LRP5: variants seen among roughly 807,000 people sequenced by gnomAD.
The protein encoded by LRP5 is low-density lipoprotein receptor-related protein 5.
In LRP5, 62 loss-of-function variants were observed where a neutral mutation model predicts 154.1. That is an observed-to-expected ratio of 0.40 (90% CI 0.33 to 0.50). The LOEUF is 0.50. LRP5 is among the 20% of genes least tolerant of loss of function. The pLI is 0.55. For missense variants in LRP5, 1,915 were observed against 2,336.7 expected (o/e 0.82, Z 3.72); for synonymous variants, 966 against 1,011.5 (o/e 0.96, Z 0.85).
In LRP5 at chr11:68,402,816, T is replaced by C. The variant is rs144481474; in HGVS notation, c.1585-667T>C. Among the ~76,000 whole-genome samples the C allele has an allele frequency of 8.2e-3, 1,254 of 152,278 alleles. 19 individuals carry two copies. Among genetic ancestry groups the C allele is most frequent in the African/African-American group, 0.028 (1,175 of 41,556 alleles). On this transcript the variant is annotated intron_variant, in intron 7 of 22. Transcript: ENST00000294304. ...GCCGCTGCCTGTCAGCCTGCAGTGG[T>C]TCGGGAGAGGACACCTGCTTGCCTG...
intron 6 of LRP5, among the ~76,000 whole-genome samples, chr11:68,387,982 C>A (rs552021137): frequency 6.6e-6 from 1 of 152,128 alleles, no homozygotes; most frequent in African/African-American, 2.4e-5. Context: ...GTGTGCTGGC[C>A]GGGGAGCTTT....
At chr11:68,427,799 C>T (rs1402256461) in intron 16 of LRP5, among the ~76,000 whole-genome samples, 1 of 152,088 alleles carries the variant, frequency 6.6e-6, no homozygotes, top group Non-Finnish European at 1.5e-5. Flanking sequence ...GGGCAGGGAA[C>T]AGAGCGTCTT....
chr11:68,377,138 G>C lies in LRP5; in HGVS notation c.1016-9178G>C, dbSNP rs374222081. Among the ~76,000 whole-genome samples the C allele has an allele frequency of 1.3e-3, 192 of 152,292 alleles. 1 individual carries two copies. The highest frequency in any genetic ancestry group is 4.3e-3 in the African/African-American group (177 of 41,562). ...CCTGGGGAGTGGCCATGCAGCCATG[G>C]GCCTGAGGTTGTGGTGGGGCATGGG... On this transcript the variant is annotated intron_variant, in intron 5 of 22. Coordinates refer to ENST00000294304, the MANE Select transcript of LRP5 (RefSeq NM_002335.4).
chr11:68,397,326 G>A (rs2098650008), intron 7 of LRP5, among the ~76,000 whole-genome samples: 1 of 152,156 alleles, frequency 6.6e-6, no homozygotes, highest in Non-Finnish European at 1.5e-5. Flanking sequence ...AAAGTGGCAG[G>A]GTCTGGCATC....
chr11:68,423,351 A>G lies in LRP5; in HGVS notation c.3028-138A>G. On this transcript the variant is annotated intron_variant, in intron 13 of 22. Transcript: ENST00000294304. This position sits in a 1 kb window ranked among gnomAD's most constrained non-coding sequence, Gnocchi z 4.7. ...CTCTGCTGTCCTGCCAGAGCTCTCC[A>G]GCCAGTGCCCAGGGCTCTCCAGCCA... 1 of 799,998 alleles carries G rather than the reference A, an allele frequency of 1.3e-6. No individual in the cohort carries two copies. Among genetic ancestry groups the G allele is most frequent in the Non-Finnish European group, 2.2e-6 (1 of 452,400 alleles). 49.6% of individuals were successfully genotyped at this position (799,998 alleles called of 1,614,324 possible). A position where few individuals can be genotyped will look rare whatever the true frequency, so the allele number is the denominator to read the frequency against.
intron 4 of LRP5, among the ~76,000 whole-genome samples, chr11:68,364,752 G>C (rs1482559299): frequency 2.0e-5 from 3 of 152,124 alleles, no homozygotes; most frequent in Non-Finnish European, 4.4e-5. Context: ...TGGGGCCTAG[G>C]GGTGCCAGCT....
At chr11:68,377,675 C>T (rs564496230) in intron 5 of LRP5, among the ~76,000 whole-genome samples, 13 of 152,296 alleles carry the variant, frequency 8.5e-5, no homozygotes, top group Middle Eastern at 3.4e-3. Context: ...TTGGGATCTG[C>T]GCAGTGGACA....
chr11:68,299,081 A>C, the LRP5 span, among the ~76,000 whole-genome samples: 2 of 151,120 alleles, frequency 1.3e-5, no homozygotes, highest in Non-Finnish European at 3.0e-5. Context: ...CCCCCTCCAC[A>C]CTCCACCAAC....
intron 1 of LRP5, among the ~76,000 whole-genome samples, chr11:68,339,142 G>A (rs1353843179): frequency 1.3e-5 from 2 of 151,690 alleles, no homozygotes; most frequent in East Asian, 3.9e-4. Context: ...CCAAAGTGTT[G>A]GCATTACAGG....
intron 19 of LRP5, among the ~76,000 whole-genome samples, 183 bp downstream of exon 19, chr11:68,437,182 CTG>C (rs1274841347): frequency 1.3e-5 from 2 of 152,218 alleles, no homozygotes; most frequent in African/African-American, 4.8e-5. Flanking sequence ...GGAGGACAGA[CTG>C]TGAGCTGTGG....
chr11:68,311,969 G>A (rs1420761214), upstream of LRP5, among the ~76,000 whole-genome samples: 6 of 152,230 alleles, frequency 3.9e-5, no homozygotes, highest in South Asian at 2.1e-4. Flanking sequence ...AGGCCCTGGC[G>A]GGCTTGTTGA....
chr11:68,399,553 C>T lies in LRP5; in HGVS notation c.1585-3930C>T, dbSNP rs926239116. 9.2e-5 allele frequency among the ~76,000 whole-genome samples: 14 copies of T among 152,198 alleles called. No homozygotes were observed. In the South Asian group the frequency reaches 1.7e-3, roughly 18 times the overall value. On this transcript the variant is annotated intron_variant, in intron 7 of 22. Coordinates refer to ENST00000294304, the MANE Select transcript of LRP5 (RefSeq NM_002335.4). ...AAAATTCATCTCCCAAGTTCTCTTC[C>T]GGCACTGGCGTTCCTGGGTGTCCTA... is the stretch of plus-strand genomic sequence containing the variant.
At position 68,389,751 on chromosome 11, in the gene LRP5, A is replaced by T. The variant is rs551830906; in HGVS notation, c.1413-130A>T. ...ACGAGCACCGACATTTACTGACACCAATATTTACTGACATCAACATTTAGC... is the reference window on the plus strand; with the variant it reads ...ACGAGCACCGACATTTACTGACACCTATATTTACTGACATCAACATTTAGC... On this transcript the variant is annotated intron_variant, in intron 6 of 22. Coordinates refer to ENST00000294304, the MANE Select transcript of LRP5 (RefSeq NM_002335.4). 33 of 883,650 alleles carry T rather than the reference A, an allele frequency of 3.7e-5. No homozygotes were observed. In the Admixed American group the frequency reaches 4.7e-4, roughly 13 times the overall value. 54.7% of individuals were successfully genotyped at this position (883,650 alleles called of 1,614,324 possible). A position where few individuals can be genotyped will look rare whatever the true frequency, so the allele number is the denominator to read the frequency against.
intron 18 of LRP5, among the ~76,000 whole-genome samples, chr11:68,435,756 C>T (rs976077322): frequency 9.9e-5 from 15 of 152,218 alleles, no homozygotes; most frequent in Admixed American, 1.3e-4. Context: ...GACAGAATCT[C>T]GCTCTGTTGC....
intron 16 of LRP5, among the ~76,000 whole-genome samples, chr11:68,426,631 C>T (rs971687184): frequency 6.6e-6 from 1 of 152,060 alleles, no homozygotes; most frequent in African/African-American, 2.4e-5. Context: ...CCATGTTGCC[C>T]AGGCTGGTCT....
At chr11:68,438,229 G>C (rs1184810314) in intron 19 of LRP5, among the ~76,000 whole-genome samples, 1 of 152,182 alleles carries the variant, frequency 6.6e-6, no homozygotes, top group African/African-American at 2.4e-5. Flanking sequence ...AGCGGCGGGG[G>C]TCAGAGGAGG....
intron 7 of LRP5, among the ~76,000 whole-genome samples, chr11:68,390,610 G>A (rs1428611971): frequency 1.8e-4 from 28 of 152,112 alleles, no homozygotes; most frequent in African/African-American, 6.5e-4. Context: ...TGCTGTGGTC[G>A]GGTTTCAGTG....
chr11:68,381,345 G>A (rs1260101014), intron 5 of LRP5, among the ~76,000 whole-genome samples: 4 of 152,202 alleles, frequency 2.6e-5, no homozygotes, highest in African/African-American at 9.7e-5. Flanking sequence ...CCCTCTGCAG[G>A]TTCTGCGTGT....
chr11:68,316,072 C>T (rs772302354), intron 1 of LRP5, among the ~76,000 whole-genome samples: 8 of 152,160 alleles, frequency 5.3e-5, no homozygotes, highest in Non-Finnish European at 1.0e-4. Flanking sequence ...AAATAAAACC[C>T]ATACCCATTA....
Sources: allele counts gnomAD v4.1 joint callset (sites outside exome capture counted in the v4.1 genomes callset), GRCh38; gene constraint gnomAD v4.1.1; non-coding constraint Gnocchi (gnomAD v3.1); transcripts MANE v1.5; gene names NCBI Gene and HGNC (gene_info 2026-07-23, HGNC 2026-07-21).